ATP11B: variants seen among roughly 807,000 people sequenced by gnomAD.
ATP11B encodes the protein ATPase phospholipid transporting 11B (putative), also known as phospholipid-transporting ATPase IF.
Under a neutral mutation model 157.8 loss-of-function variants are expected in ATP11B, and 81 were observed. That is an observed-to-expected ratio of 0.51 (90% CI 0.43 to 0.62). ATP11B has a LOEUF of 0.62. ATP11B is among the 20% of genes least tolerant of loss of function. ATP11B has a pLI of 0.00. For synonymous variants in ATP11B, 451 were observed against 469.4 expected, an observed-to-expected ratio of 0.96 and a Z score of 0.51; for missense variants, 1,165 against 1,402.2, an observed-to-expected ratio of 0.83 and a Z score of 2.70.
intron 12 of ATP11B, among the ~76,000 whole-genome samples, chr3:182,862,448 C>T (rs758337499): frequency 1.3e-5 from 2 of 152,188 alleles, no homozygotes; most frequent in Non-Finnish European, 2.9e-5. Context: ...GCACTGCCTC[C>T]CTTCTGTGTT....
intron 1 of ATP11B, among the ~76,000 whole-genome samples, chr3:182,816,173 A>G (rs895392661): frequency 6.6e-6 from 1 of 152,200 alleles, no homozygotes; most frequent in African/African-American, 2.4e-5. Flanking sequence ...TTTGAATTTC[A>G]TAATTTTTAA....
chr3:182,878,636 G>GCC (rs1274704793), intron 19 of ATP11B, among the ~76,000 whole-genome samples: 2 of 152,160 alleles, frequency 1.3e-5, no homozygotes, highest in African/African-American at 4.8e-5. Flanking sequence ...ACTGTACTTG[G>GCC]AGTAGCACCT....
At chr3:182,840,027 C>A (rs1392787064) in intron 7 of ATP11B, among the ~76,000 whole-genome samples, 1 of 152,172 alleles carries the variant, frequency 6.6e-6, no homozygotes, top group African/African-American at 2.4e-5. Context: ...AATTAATGAT[C>A]ATTTTAAATG....
At position 182,859,329 on chromosome 3, in the gene ATP11B, T is replaced by C; in HGVS notation, c.1170T>C (p.Asn390=). Residue 390 remains asparagine (N), a synonymous_variant, in exon 12 of 30, where the codon AAT becomes AAC. Transcript: ENST00000323116. Reference sequence around the variant, plus strand: ...AATCAGATCAGAAAGCTCAAGTCAATACTTCCGATCTGAATGAAGAGCTTG... The same window carrying C: ...AATCAGATCAGAAAGCTCAAGTCAACACTTCCGATCTGAATGAAGAGCTTG... ...HEESDQKAQV[N]TSDLNEELGQ... 1 of 1,607,826 alleles carries C rather than the reference T, an allele frequency of 6.2e-7. No homozygotes were observed. The highest frequency in any genetic ancestry group is 8.5e-7 in the Non-Finnish European group (1 of 1,176,550).
intron 29 of ATP11B, chr3:182,917,053 T>C: frequency 2.0e-6 from 2 of 985,322 alleles, no homozygotes; most frequent in Non-Finnish European, 2.4e-6. Flanking sequence ...TGTTCCAGCT[T>C]TTCTAGAAAC....
chr3:182,793,565 G>C lies in ATP11B; in HGVS notation c.-195G>C, dbSNP rs1254778477. 2 of 366,388 alleles carry C rather than the reference G, an allele frequency of 5.5e-6. No individual in the cohort carries two copies. The highest frequency in any genetic ancestry group is 9.7e-6 in the Non-Finnish European group (2 of 206,368). The allele number at this position is 366,388 out of a possible 1,614,324, so 22.7% of individuals were successfully genotyped here. A position where few individuals can be genotyped will look rare whatever the true frequency, so the allele number is the denominator to read the frequency against. On this transcript the variant is annotated 5_prime_UTR_variant, in exon 1 of 30. Transcript: ENST00000323116. ...GCTGCGCCGGGCGGGGGCGGCGCCG[G>C]GGCCGCGCCTGTAGGACTCGGGGCC...
In ATP11B at chr3:182,884,790, C is replaced by T. The variant is rs759088229; in HGVS notation, c.2547C>T (p.Asn849=). The stretch of plus-strand genomic sequence containing the variant: ...AAGAAGGAAGACAGGCTGCAAGAAA[C>T]AGTGACTATGCAATAGCCAGATTTA... ...MGKEGRQAAR[N]SDYAIARFKF... The change falls in exon 22 of 30, where the codon AAC becomes AAT. Residue 849 remains asparagine (N), a synonymous_variant. Coordinates refer to ENST00000323116, the MANE Select transcript of ATP11B (RefSeq NM_014616.3). 6.3e-7 allele frequency: 1 copy of T among 1,598,330 alleles called. No homozygotes were observed. The highest frequency in any genetic ancestry group is 1.1e-5 in the South Asian group (1 of 87,022).
chr3:182,898,846 T>G (rs1723751515), intron 28 of ATP11B, 74 bp downstream of exon 28: 1 of 1,035,378 alleles, frequency 9.7e-7, no homozygotes, highest in Non-Finnish European at 1.3e-6. Flanking sequence ...GTCATTATAA[T>G]TTGATTATGT....
chr3:182,863,971 G>T, intron 12 of ATP11B, among the ~76,000 whole-genome samples: 1 of 151,652 alleles, frequency 6.6e-6, no homozygotes, highest in African/African-American at 2.4e-5. Flanking sequence ...TATAAATACT[G>T]GGCAACATTT....
In ATP11B at chr3:182,845,440, A is replaced by G. The variant is rs1182408604; in HGVS notation, c.705-18A>G. The G allele has an allele frequency of 1.9e-6, 3 of 1,586,192 alleles. No homozygotes were observed. Among genetic ancestry groups the G allele is most frequent in the African/African-American group, 2.7e-5 (2 of 72,778 alleles). On this transcript the variant is annotated intron_variant, in intron 8 of 29. Transcript: ENST00000323116. Reference sequence around the variant, plus strand: ...TTAATATATTCAGTGCTTTATGGTTATTTTCTTTTTTTCCTAGACCTCTGG... The same window carrying G: ...TTAATATATTCAGTGCTTTATGGTTGTTTTCTTTTTTTCCTAGACCTCTGG...
chr3:182,840,881 A>G (rs895960200), intron 7 of ATP11B, among the ~76,000 whole-genome samples: 1 of 152,180 alleles, frequency 6.6e-6, no homozygotes, highest in African/African-American at 2.4e-5. Flanking sequence ...TCCTTTTTAA[A>G]TGTAAGTCAG....
At position 182,918,158 on chromosome 3, in the gene ATP11B, G is replaced by A; in HGVS notation, c.*54G>A. Reference sequence around the variant, plus strand: ...TTCACCTCCTTTCCTAAAATTCAGTGTGATCACCCTGTTAATGGCCACACT... The same window carrying A: ...TTCACCTCCTTTCCTAAAATTCAGTATGATCACCCTGTTAATGGCCACACT... On this transcript the variant is annotated 3_prime_UTR_variant, in exon 30 of 30. Transcript: ENST00000323116. 6.2e-7 allele frequency: 1 copy of A among 1,607,588 alleles called. No homozygotes were observed. The highest frequency in any genetic ancestry group is 1.3e-5 in the African/African-American group (1 of 74,756).
At position 182,870,985 on chromosome 3, in the gene ATP11B, C is replaced by T. The variant is rs367773035; in HGVS notation, c.1867-1371C>T. Reference sequence around the variant, plus strand: ...ATGTTATATAGTATTTTTAAGTCTACGCTTTCCAAGTTGTTATTAGGATAT... The same window carrying T: ...ATGTTATATAGTATTTTTAAGTCTATGCTTTCCAAGTTGTTATTAGGATAT... On this transcript the variant is annotated intron_variant, in intron 17 of 29. Coordinates refer to ENST00000323116, the MANE Select transcript of ATP11B (RefSeq NM_014616.3). 1.0e-4 allele frequency among the ~76,000 whole-genome samples: 15 copies of T among 150,632 alleles called. No homozygotes were observed. The East Asian group carries it at 2.5e-3, about 26-fold the overall frequency.
At chr3:182,916,962 G>T in intron 29 of ATP11B, 1 of 982,812 alleles carries the variant, frequency 1.0e-6, no homozygotes, top group Non-Finnish European at 1.2e-6. Flanking sequence ...CAAATACTGG[G>T]TGCCCAATAT....
Position 182,798,947 on chromosome 3 carries a change from CAT to C in ATP11B, c.27+5164_27+5165del, listed in dbSNP as rs997675899. ...TAAATGTGGAAACTAAGAAAATTAA[CAT>C]ATGTGGCTTAGGCCATATTTCTGTT... On this transcript the variant is annotated intron_variant, in intron 1 of 29. Coordinates refer to ENST00000323116, the MANE Select transcript of ATP11B (RefSeq NM_014616.3). Among the ~76,000 whole-genome samples the C allele has an allele frequency of 1.8e-4, 27 of 152,168 alleles. 1 individual carries two copies. Among genetic ancestry groups the C allele is most frequent in the African/African-American group, 4.6e-4 (19 of 41,442 alleles).
chr3:182,867,300 A>G, intron 14 of ATP11B, 76 bp from the exon 15 acceptor site: 1 of 858,944 alleles, frequency 1.2e-6, no homozygotes, highest in Non-Finnish European at 1.9e-6. Flanking sequence ...TTTTTATTCA[A>G]GTTAAGCTAT....
intron 10 of ATP11B, among the ~76,000 whole-genome samples, chr3:182,853,410 T>C (rs1720132408): frequency 6.6e-6 from 1 of 152,152 alleles, no homozygotes; most frequent in Non-Finnish European, 1.5e-5. Flanking sequence ...GGTTTCACCA[T>C]GTTGGCCAGG....
At position 182,848,568 on chromosome 3, in the gene ATP11B, T is replaced by C. The variant is rs371834130; in HGVS notation, c.851+11T>C. The C allele has an allele frequency of 8.6e-5, 128 of 1,486,448 alleles. No homozygotes were observed. The highest frequency in any genetic ancestry group is 1.1e-4 in the Non-Finnish European group (124 of 1,103,268). 92.1% of individuals were successfully genotyped at this position (1,486,448 alleles called of 1,614,324 possible). ...ATCTGCAGTAGAAAAGTAAGAAAAC[T>C]GTTTTCATTTATTTATATGTAATTA... is the stretch of plus-strand genomic sequence containing the variant. On this transcript the variant is annotated intron_variant, in intron 10 of 29. Transcript: ENST00000323116.
intron 12 of ATP11B, among the ~76,000 whole-genome samples, chr3:182,864,196 CAT>C (rs1364493083): frequency 1.3e-5 from 2 of 152,006 alleles, no homozygotes; most frequent in Admixed American, 6.6e-5. Context: ...AAGGTCATAT[CAT>C]GTGCAAATGG....
Sources: gnomAD v4.1 joint callset for allele counts (sites outside exome capture counted in the v4.1 genomes callset) on GRCh38, gnomAD v4.1.1 for gene constraint, MANE v1.5 for transcripts, NCBI Gene and HGNC (gene_info 2026-07-23, HGNC 2026-07-21) for gene names.